KMT2C: variants seen among roughly 807,000 people sequenced by gnomAD.
KMT2C encodes the protein histone-lysine N-methyltransferase 2C.
A neutral mutation model predicts 507.9 loss-of-function variants in KMT2C; 88 were observed. The ratio of observed to expected loss-of-function variants is 0.17; its 90% CI spans 0.15 to 0.21. The LOEUF (loss-of-function observed/expected upper bound fraction) is 0.21, where lower values mean the gene tolerates loss of function less well. Ranked by LOEUF, KMT2C falls within the 10% of genes least tolerant of loss-of-function variation. The pLI, the probability that KMT2C is intolerant of heterozygous loss-of-function variation, is 1.00. For missense variants in KMT2C, 4,954 were observed against 5,957.8 expected, an observed-to-expected ratio of 0.83 and a Z score of 5.55; for synonymous variants, 2,049 against 2,080.8, an observed-to-expected ratio of 0.98 and a Z score of 0.42.
chr7:152,293,843 C>T (rs907534089), intron 6 of KMT2C, among the ~76,000 whole-genome samples: 7 of 152,244 alleles, frequency 4.6e-5, no homozygotes, highest in African/African-American at 1.7e-4. Context: ...GGGAAATAAA[C>T]ATATTCATTC....
chr7:152,220,885 G>A, intron 22 of KMT2C, 150 bp from the exon 23 acceptor site: 1 of 629,658 alleles, frequency 1.6e-6, no homozygotes, highest in Non-Finnish European at 2.8e-6. Flanking sequence ...TTAACTTCAT[G>A]ATACCCAATA....
At position 152,167,138 on chromosome 7, in the gene KMT2C, T is replaced by G. The variant is rs779855322; in HGVS notation, c.9750+8A>C. The G allele has an allele frequency of 1.9e-6, 3 of 1,608,868 alleles. No individual in the cohort carries two copies. Among genetic ancestry groups the G allele is most frequent in the Non-Finnish European group, 2.6e-6 (3 of 1,175,592 alleles). On this transcript the variant is annotated splice_region_variant and intron_variant, in intron 42 of 58. Transcript: ENST00000262189. ...TGGTAGTTTCTATTTTGCAAACCTA[T>G]TTATTACCTGTTCTAGCTGTTTCTG...
At chr7:152,418,050 C>T (rs985812530) in intron 1 of KMT2C, among the ~76,000 whole-genome samples, 9 of 151,878 alleles carry the variant, frequency 5.9e-5, no homozygotes, top group Non-Finnish European at 8.8e-5. Flanking sequence ...CCTCGATACT[C>T]CTTCCTTAGC....
intron 3 of KMT2C, among the ~76,000 whole-genome samples, chr7:152,319,126 G>A (rs2096748173): frequency 6.6e-6 from 1 of 152,094 alleles, no homozygotes; most frequent in South Asian, 2.1e-4. Flanking sequence ...TGTGTATAAG[G>A]TATATACGAA....
intron 1 of KMT2C, among the ~76,000 whole-genome samples, chr7:152,416,950 G>C (rs1419027889): frequency 6.9e-6 from 1 of 145,668 alleles, no homozygotes; most frequent in Non-Finnish European, 1.5e-5. Flanking sequence ...TCAGGGCGCT[G>C]ACACATGAGA....
intron 2 of KMT2C, among the ~76,000 whole-genome samples, chr7:152,351,275 G>A (rs1307678398): frequency 6.6e-6 from 1 of 152,174 alleles, no homozygotes; most frequent in East Asian, 1.9e-4. Flanking sequence ...CTGTGCAAGA[G>A]TGTATGTAGT....
chr7:152,240,931 A>G (rs2095370802), intron 14 of KMT2C, among the ~76,000 whole-genome samples: 1 of 152,220 alleles, frequency 6.6e-6, no homozygotes, highest in Admixed American at 6.5e-5. Flanking sequence ...CAGCAGCCAG[A>G]GAAACTTTTC....
chr7:152,396,948 T>G (rs1209129474), intron 1 of KMT2C, among the ~76,000 whole-genome samples: 1 of 152,172 alleles, frequency 6.6e-6, no homozygotes, highest in Non-Finnish European at 1.5e-5. Flanking sequence ...TACAAGGATA[T>G]TCCTTACAAA....
intron 2 of KMT2C, among the ~76,000 whole-genome samples, chr7:152,343,487 GAAAACTACA>G (rs2097020405): frequency 7.1e-6 from 1 of 141,520 alleles, no homozygotes; most frequent in Non-Finnish European, 1.5e-5. Context: ...GTTTAATACA[GAAAACTACA>G]AAAAGGTAAC....
chr7:152,323,251 T>C (rs1052525508), intron 3 of KMT2C, among the ~76,000 whole-genome samples: 12 of 151,962 alleles, frequency 7.9e-5, no homozygotes, highest in Admixed American at 7.9e-4. Flanking sequence ...TTACTTACAA[T>C]AGCCAGATAT....
chr7:152,255,024 C>G (rs540926048), intron 9 of KMT2C, among the ~76,000 whole-genome samples: 1 of 148,644 alleles, frequency 6.7e-6, no homozygotes, highest in East Asian at 2.0e-4. Context: ...CTAAAAGACA[C>G]AAAACTAGAC....
In KMT2C at chr7:152,207,398, G is replaced by A. The variant is rs780169162; in HGVS notation, c.3743C>T (p.Ser1248Leu). The A allele has an allele frequency of 6.2e-7, 1 of 1,608,064 alleles. No individual in the cohort carries two copies. Among genetic ancestry groups the A allele is most frequent in the Non-Finnish European group, 8.5e-7 (1 of 1,177,458 alleles). Residue 1248 changes from serine (S) to leucine (L), a missense_variant, in exon 24 of 59, where the codon TCA (serine) becomes TTA (leucine). Physicochemically the swap from Ser to Leu is moderately radical, Grantham distance 145. Around this residue, in one of 29 missense-constraint regions of KMT2C, gnomAD observed 176 missense variants for 262.0 expected, o/e 0.67. Transcript: ENST00000262189. ...AGCTTCCCGCTCAGGACTAGATTCT[G>A]ATTTTCCATCACAATCCATAAGTTC... ...EGELMDCDGK[S>L]ESSPEREAVD...
At position 152,176,963 on chromosome 7, in the gene KMT2C, A is replaced by C. The variant is rs1349837076; in HGVS notation, c.8490T>G (p.Asn2830Lys). ...TTTCACATTTGGATTCCACCTTAGA[A>C]TTTGGAGACAGTACTTCCGTTTTTA... ...NEVKTEVLSPNSKVESKCETE... is the reference protein window; with the variant it reads ...NEVKTEVLSPKSKVESKCETE... Residue 2830 changes from asparagine (N) to lysine (K), a missense_variant, in exon 38 of 59, where the codon AAT (asparagine) becomes AAG (lysine). Asn to Lys is a moderately conservative substitution (Grantham distance 94). Transcript: ENST00000262189. The C allele has an allele frequency of 4.3e-6, 7 of 1,614,014 alleles. No homozygotes were observed. The highest frequency in any genetic ancestry group is 1.3e-5 in the African/African-American group (1 of 74,912).
intron 1 of KMT2C, among the ~76,000 whole-genome samples, chr7:152,378,690 C>G (rs985012076): frequency 3.3e-5 from 5 of 151,944 alleles, no homozygotes; most frequent in Non-Finnish European, 7.4e-5. Context: ...CTGCATATAC[C>G]CAGGTATTTA....
rs1352895026 is a variant in KMT2C at position 152,177,286 on chromosome 7, CTAAATT to C, written c.8161_8166del (p.Asn2721_Leu2722del). On this transcript the variant is annotated inframe_deletion, in exon 38 of 59. Coordinates refer to ENST00000262189, the MANE Select transcript of KMT2C (RefSeq NM_170606.3). ...TCAACTACCTTGCCATCCTCTGTAT[CTAAATT>C]TAAGTTTTCAAGATCTTCATCATCT... 1 of 1,613,882 alleles carries C rather than the reference CTAAATT, an allele frequency of 6.2e-7. No individual in the cohort carries two copies. Among genetic ancestry groups the C allele is most frequent in the Non-Finnish European group, 8.5e-7 (1 of 1,180,044 alleles).
At chr7:152,283,148 CA>C (rs1174803240) in intron 6 of KMT2C, among the ~76,000 whole-genome samples, 2 of 152,400 alleles carry the variant, frequency 1.3e-5, no homozygotes, top group African/African-American at 4.8e-5. Flanking sequence ...ACATAACTTC[CA>C]CATAAAACAT....
chr7:152,269,264 A>C (rs2095914287), intron 7 of KMT2C, among the ~76,000 whole-genome samples: 1 of 152,230 alleles, frequency 6.6e-6, no homozygotes, highest in South Asian at 2.1e-4. Context: ...TAAATTAGTC[A>C]AAGAAAAACA....
chr7:152,139,312 T>C (rs149140699), intron 56 of KMT2C, 53 bp from the exon 57 acceptor site: 17,343 of 1,526,096 alleles, frequency 0.011, 114 homozygotes, highest in Non-Finnish European at 0.014. Context: ...AACTCCCCTC[T>C]GTGTTCCTAT....
chr7:152,353,440 G>T (rs575214861), intron 2 of KMT2C, among the ~76,000 whole-genome samples: 1 of 152,008 alleles, frequency 6.6e-6, no homozygotes, highest in Non-Finnish European at 1.5e-5. Context: ...TTTCCCAATG[G>T]CTACTCCTAG....
Sources: allele counts gnomAD v4.1 joint callset (sites outside exome capture counted in the v4.1 genomes callset), GRCh38; gene constraint gnomAD v4.1.1; regional missense constraint gnomAD v4.1.1; transcripts MANE v1.5; gene names NCBI Gene and HGNC (gene_info 2026-07-23, HGNC 2026-07-21).